SLC7A5: variants seen among roughly 807,000 people sequenced by gnomAD.
SLC7A5 encodes solute carrier family 7 member 5, also known as large neutral amino acids transporter small subunit 1.
Under a neutral mutation model 50.2 loss-of-function variants are expected in SLC7A5, and 23 were observed. The observed-to-expected ratio is 0.46, with a 90% CI of 0.33 to 0.65. SLC7A5 has a LOEUF of 0.65. Among genes scored for constraint, SLC7A5 ranks in the 30% least tolerant of loss-of-function variants. The pLI is 0.02. For missense variants in SLC7A5, 578 were observed against 684.4 expected, an observed-to-expected ratio of 0.84 and a Z score of 1.73; for synonymous variants, 393 against 330.6, an observed-to-expected ratio of 1.19 and a Z score of -2.05.
At chr16:87,846,027 C>T (rs913803089) in intron 2 of SLC7A5, among the ~76,000 whole-genome samples, 1 of 151,302 alleles carries the variant, frequency 6.6e-6, no homozygotes, top group Non-Finnish European at 1.5e-5. Context: ...CCAGAGCAAG[C>T]GGCGGGTCAA....
chr16:87,861,368 T>G lies in SLC7A5; in HGVS notation c.538+7517A>C, dbSNP rs1156359380. 1.3e-5 allele frequency among the ~76,000 whole-genome samples: 2 copies of G among 152,166 alleles called. No homozygotes were observed. The highest frequency in any genetic ancestry group is 4.8e-5 in the African/African-American group (2 of 41,452). ...GACTGGGCCACCCAGTCTTGCTGAC[T>G]GACACCTCCCCAGACCCCTGGCACC... is the stretch of plus-strand genomic sequence containing the variant. On this transcript the variant is annotated intron_variant, in intron 1 of 9. Transcript: ENST00000261622. The surrounding 1 kb of genome is among the most constrained non-coding windows in gnomAD (Gnocchi z 4.2).
At chr16:87,838,292 T>C (rs900294257) in intron 6 of SLC7A5, among the ~76,000 whole-genome samples, 11 of 18,260 alleles carry the variant, frequency 6.0e-4, no homozygotes, top group African/African-American at 5.7e-3. Flanking sequence ...TGCTGCTGCC[T>C]TTTTTTTTTT....
Position 87,869,386 on chromosome 16 carries a change from C to A in SLC7A5, c.37G>T (p.Ala13Ser). Residue 13 changes from alanine (A) to serine (S), a missense_variant, in exon 1 of 10, where the codon GCG (alanine) becomes TCG (serine). Transcript: ENST00000261622. The stretch of plus-strand genomic sequence containing the variant: ...TCTTCCTTCTCCTCGGCCGCCGGCG[C>A]CGCTAGCGCGCGCCGCTTCGGGCCC... ...GAGPKRRALA[A>S]PAAEEKEEAR... The A allele has an allele frequency of 6.3e-7, 1 of 1,581,404 alleles. No individual in the cohort carries two copies.
chr16:87,853,419 T>C lies in SLC7A5; in HGVS notation c.539-1570A>G, dbSNP rs1037729175. ...GTCTGAAAGTCAGTGTTTTCGCTGC[T>C]ATTCCTAAAATAAAATACTTGAAAT... On this transcript the variant is annotated intron_variant, in intron 1 of 9. Coordinates refer to ENST00000261622, the MANE Select transcript of SLC7A5 (RefSeq NM_003486.7). The surrounding 1 kb of genome is among the most constrained non-coding windows in gnomAD (Gnocchi z 4.4). 3.9e-5 allele frequency among the ~76,000 whole-genome samples: 6 copies of C among 152,232 alleles called. No homozygotes were observed. Among genetic ancestry groups the C allele is most frequent in the African/African-American group, 1.4e-4 (6 of 41,460 alleles).
At chr16:87,834,646 C>A in intron 8 of SLC7A5, 55 bp from the exon 9 acceptor site, 4 of 1,548,178 alleles carry the variant, frequency 2.6e-6, no homozygotes, top group Middle Eastern at 2.0e-4. Flanking sequence ...CTCCCTCCCC[C>A]ATGCCCCGAG....
Position 87,869,345 on chromosome 16 carries a change from C to T in SLC7A5, c.78G>A (p.Met26Ile), listed in dbSNP as rs1344746587. Residue 26 changes from methionine to isoleucine, a missense_variant, in exon 1 of 10, where the codon ATG becomes ATA. Physicochemically the swap from Met to Ile is conservative, Grantham distance 10 (BLOSUM62 1). This residue lies in a region of SLC7A5 where 113 missense variants were observed against 89.8 expected (regional missense o/e 1.26). Coordinates refer to ENST00000261622, the MANE Select transcript of SLC7A5 (RefSeq NM_003486.7). ...AGCCGTCCGCGCTCTTGGCGGCCAG[C>T]ATCTTCTCCCGCGCCTCTTCCTTCT... ...AEEKEEAREK[M>I]LAAKSADGSA... 9 of 1,609,526 alleles carry T rather than the reference C, an allele frequency of 5.6e-6. No individual in the cohort carries two copies. In the South Asian group the frequency reaches 7.7e-5, roughly 14 times the overall value.
chr16:87,836,703 G>A lies in SLC7A5; in HGVS notation c.1141-56C>T, dbSNP rs138121233. Reference sequence around the variant, plus strand: ...GGGGCCCACGAGCAGGGCTGTGGACGGCCGTGGTGGCCACCGGGGACTGTC... The same window carrying A: ...GGGGCCCACGAGCAGGGCTGTGGACAGCCGTGGTGGCCACCGGGGACTGTC... On this transcript the variant is annotated intron_variant, in intron 7 of 9. Transcript: ENST00000261622. 1.4e-3 allele frequency: 2,248 copies of A among 1,587,288 alleles called. 3 individuals are homozygous for A. Among genetic ancestry groups the A allele is most frequent in the Non-Finnish European group, 1.6e-3 (1,872 of 1,163,546 alleles).
intron 6 of SLC7A5, 57 bp downstream of exon 6, chr16:87,838,657 G>A: frequency 7.8e-7 from 1 of 1,277,650 alleles, no homozygotes; most frequent in Non-Finnish European, 1.1e-6. Flanking sequence ...GGAACATGTT[G>A]AACCTGGCCA....
intron 2 of SLC7A5, among the ~76,000 whole-genome samples, chr16:87,848,641 C>G (rs560996035): frequency 1.3e-5 from 2 of 152,296 alleles, no homozygotes; most frequent in Admixed American, 1.3e-4. Context: ...AGAGTCGCCC[C>G]TGTCACTCAG....
At chr16:87,845,345 G>C (rs527850131) in intron 2 of SLC7A5, among the ~76,000 whole-genome samples, 16 of 152,316 alleles carry the variant, frequency 1.1e-4, no homozygotes, top group African/African-American at 3.8e-4. Flanking sequence ...TAGCTGCCCT[G>C]TGGGCTCAGG....
At position 87,863,349 on chromosome 16, in the gene SLC7A5, T is replaced by C. The variant is rs2055422241; in HGVS notation, c.538+5536A>G. On this transcript the variant is annotated intron_variant, in intron 1 of 9. Transcript: ENST00000261622. ...CCGGGACTTTGAGTGGATGCTACCC[T>C]ACTCGCTATGCAGAGCCAGCTGGGG... 2.0e-5 allele frequency among the ~76,000 whole-genome samples: 3 copies of C among 152,158 alleles called. No individual in the cohort carries two copies. In the South Asian group the frequency reaches 6.2e-4, roughly 32 times the overall value.
At chr16:87,839,892 G>T (rs545269543) in intron 4 of SLC7A5, 67 bp from the exon 5 acceptor site, 1 of 1,606,962 alleles carries the variant, frequency 6.2e-7, no homozygotes, top group African/African-American at 1.3e-5. Flanking sequence ...CTGTGCCCAG[G>T]AGCCAGGTGG....
At position 87,830,830 on chromosome 16, in the gene SLC7A5, A is replaced by G. The variant is rs1442157769; in HGVS notation, c.*2140T>C. 1 of 152,352 alleles carries G rather than the reference A, an allele frequency of 6.6e-6. No homozygotes were observed. The highest frequency in any genetic ancestry group is 1.5e-5 in the Non-Finnish European group (1 of 68,124). 9.4% of individuals were successfully genotyped at this position (152,352 alleles called of 1,614,324 possible). A position where few individuals can be genotyped will look rare whatever the true frequency, so the allele number is the denominator to read the frequency against. On this transcript the variant is annotated 3_prime_UTR_variant, in exon 10 of 10. Coordinates refer to ENST00000261622, the MANE Select transcript of SLC7A5 (RefSeq NM_003486.7). ...GCCAACAGGCAAGTGCGTGCCGTCG[A>G]GAGGCCGCCGGCTCCCTGTATCCTT...
At position 87,863,986 on chromosome 16, in the gene SLC7A5, AATATAT is replaced by A. The variant is rs58063420; in HGVS notation, c.538+4893_538+4898del. 4.0e-3 allele frequency among the ~76,000 whole-genome samples: 330 copies of A among 83,278 alleles called. 21 individuals carry two copies. Among genetic ancestry groups the A allele is most frequent in the Middle Eastern group, 6.9e-3 (1 of 144 alleles). The allele number at this position is 83,278 out of a possible 152,430, so 54.6% of individuals were successfully genotyped here. A position where few individuals can be genotyped will look rare whatever the true frequency, so the allele number is the denominator to read the frequency against. ...CCAACCTTATGTGTGATCATTTAAAAATATATATATATATATATATATCAGCCGAGT... is the reference window on the plus strand; with the variant it reads ...CCAACCTTATGTGTGATCATTTAAAAATATATATATATATATCAGCCGAGT... On this transcript the variant is annotated intron_variant, in intron 1 of 9. Transcript: ENST00000261622.
At chr16:87,849,549 G>C (rs1169927492) in intron 2 of SLC7A5, among the ~76,000 whole-genome samples, 2 of 152,174 alleles carry the variant, frequency 1.3e-5, no homozygotes, top group African/African-American at 4.8e-5. Context: ...GCTATCTGAT[G>C]AGCGCAGCCA....
rs1427244631 is a variant in SLC7A5, at chr16:87,853,607, C to A, written c.539-1758G>T. ...TCTAGGCAGCTCCTTGTCCGCTGCA[C>A]AGGGCAAGGGGCAGGTCCTGGCTTG... On this transcript the variant is annotated intron_variant, in intron 1 of 9. Transcript: ENST00000261622. The surrounding 1 kb of genome is among the most constrained non-coding windows in gnomAD (Gnocchi z 4.4). Among the ~76,000 whole-genome samples, 1 of 152,176 alleles carries A rather than the reference C, an allele frequency of 6.6e-6. No individual in the cohort carries two copies. Among genetic ancestry groups the A allele is most frequent in the Non-Finnish European group, 1.5e-5 (1 of 68,036 alleles).
At chr16:87,866,124 T>C (rs1253678506) in intron 1 of SLC7A5, among the ~76,000 whole-genome samples, 8 of 152,208 alleles carry the variant, frequency 5.3e-5, no homozygotes, top group Middle Eastern at 3.4e-3. Context: ...GTGAGCACAC[T>C]TGTTCCTGCC....
Position 87,852,830 on chromosome 16 carries a change from C to A in SLC7A5, c.539-981G>T, listed in dbSNP as rs556729861. Among the ~76,000 whole-genome samples the A allele has an allele frequency of 6.6e-6, 1 of 151,980 alleles. No individual in the cohort carries two copies. Among genetic ancestry groups the A allele is most frequent in the South Asian group, 2.1e-4 (1 of 4,818 alleles). On this transcript the variant is annotated intron_variant, in intron 1 of 9. Coordinates refer to ENST00000261622, the MANE Select transcript of SLC7A5 (RefSeq NM_003486.7). The surrounding 1 kb of genome is among the most constrained non-coding windows in gnomAD (Gnocchi z 4.5). ...CTGTGAGCTGGTGGGGAAACAGCCA[C>A]CCCCACAACTTAAAATGAAGTAAAA...
chr16:87,860,886 G>A lies in SLC7A5; in HGVS notation c.538+7999C>T, dbSNP rs983007566. On this transcript the variant is annotated intron_variant, in intron 1 of 9. Transcript: ENST00000261622. The surrounding 1 kb of genome is among the most constrained non-coding windows in gnomAD (Gnocchi z 4.8). ...CGGTCCCCACCTGGGGTGGTCTGAC[G>A]GCCAGGGATGCAGGGAGAGACGCCT... Among the ~76,000 whole-genome samples the A allele has an allele frequency of 3.9e-5, 6 of 152,194 alleles. No individual in the cohort carries two copies. The highest frequency in any genetic ancestry group is 9.6e-5 in the African/African-American group (4 of 41,452).
Sources: allele counts gnomAD v4.1 joint callset (sites outside exome capture counted in the v4.1 genomes callset), GRCh38; gene constraint gnomAD v4.1.1; regional missense constraint gnomAD v4.1.1; non-coding constraint Gnocchi (gnomAD v3.1); transcripts MANE v1.5; gene names NCBI Gene and HGNC (gene_info 2026-07-23, HGNC 2026-07-21).